HLA-DQB2: variants seen among roughly 807,000 people sequenced by gnomAD.
The protein encoded by HLA-DQB2 is HLA class II histocompatibility antigen, DQ beta 2 chain.
A neutral mutation model predicts 29.2 loss-of-function variants in HLA-DQB2; 24 were observed. That is an observed-to-expected ratio of 0.82 (90% CI 0.60 to 1.16). The LOEUF is 1.16. Among genes scored for constraint, HLA-DQB2 ranks in the 50% most tolerant of loss-of-function variants. The probability of loss-of-function intolerance (pLI) is 0.00; values close to 1 mark genes in which losing one functional copy is unlikely to be tolerated. For synonymous variants in HLA-DQB2, 104 were observed against 133.1 expected (o/e 0.78, Z 1.51); for missense variants, 273 against 343.6 (o/e 0.79, Z 1.62).
chr6:32,757,668 C>CCAGCTCAG, intron 4 of HLA-DQB2, 105 bp downstream of exon 4: 1 of 1,110,212 alleles, frequency 9.0e-7, no homozygotes, highest in Non-Finnish European at 1.3e-6. Context: ...CCTCGCACTT[C>CCAGCTCAG]CTCTCAGGGT....
At chr6:32,759,385 A>G (rs1370846020) in intron 2 of HLA-DQB2, among the ~76,000 whole-genome samples, 1 of 151,688 alleles carries the variant, frequency 6.6e-6, no homozygotes, top group Non-Finnish European at 1.5e-5. Flanking sequence ...TGTTATTTCA[A>G]AAGTTTGTAA....
chr6:32,756,338 T>C lies in HLA-DQB2; in HGVS notation c.*115A>G, dbSNP rs1279404950. The C allele has an allele frequency of 2.7e-6, 2 of 730,236 alleles. No individual in the cohort carries two copies. The highest frequency in any genetic ancestry group is 5.0e-6 in the Non-Finnish European group (2 of 403,368). The allele number at this position is 730,236 out of a possible 1,614,324, so 45.2% of individuals were successfully genotyped here. On this transcript the variant is annotated 3_prime_UTR_variant, in exon 6 of 6. Coordinates refer to ENST00000437316, the MANE Select transcript of HLA-DQB2 (RefSeq NM_001300790.2). The stretch of plus-strand genomic sequence containing the variant: ...GGTGACCTGTGGCTGCATGAGCCAC[T>C]GTAGGACTCTGACCTCAGTGGGACA...
At chr6:32,761,987 C>A in intron 1 of HLA-DQB2, 61 bp from the exon 2 acceptor site, 2 of 1,558,938 alleles carry the variant, frequency 1.3e-6, no homozygotes, top group Non-Finnish European at 8.7e-7. Flanking sequence ...AGCCCCCAGC[C>A]GGACCGCACC....
At chr6:32,756,522 CT>C in intron 5 of HLA-DQB2, 56 bp from the exon 6 acceptor site, 1 of 1,554,172 alleles carries the variant, frequency 6.4e-7, no homozygotes, top group African/African-American at 1.4e-5. Flanking sequence ...GACACACCCT[CT>C]CCCCTAGTCC....
chr6:32,756,782 A>AGG, intron 5 of HLA-DQB2: 1 of 1,243,498 alleles, frequency 8.0e-7, no homozygotes, highest in Non-Finnish European at 1.0e-6. Flanking sequence ...GAAAATGCCT[A>AGG]CAGGCAGTAG....
At chr6:32,758,194 C>T (rs1385955258) in intron 3 of HLA-DQB2, among the ~76,000 whole-genome samples, 1 of 152,046 alleles carries the variant, frequency 6.6e-6, no homozygotes, top group African/African-American at 2.4e-5. Context: ...TGTGGCCCCA[C>T]CCAAATTTCA....
At chr6:32,762,888 G>A (rs1764970194) in intron 1 of HLA-DQB2, among the ~76,000 whole-genome samples, 1 of 152,090 alleles carries the variant, frequency 6.6e-6, no homozygotes, top group Non-Finnish European at 1.5e-5. Flanking sequence ...AAGACTCCCT[G>A]TCTGTGGTCA....
At chr6:32,761,579 C>T in intron 2 of HLA-DQB2, 81 bp downstream of exon 2, 1 of 1,430,924 alleles carries the variant, frequency 7.0e-7, no homozygotes, top group Non-Finnish European at 9.3e-7. Context: ...TCCTTGAGGC[C>T]GCGCCGTCCT....
rs750074923 is a variant in HLA-DQB2, at chr6:32,758,860, G to A, written c.636C>T (p.Thr212=). The change falls in exon 3 of 6, where the codon ACC becomes ACT. Residue 212 remains threonine, a synonymous_variant. Coordinates refer to ENST00000437316, the MANE Select transcript of HLA-DQB2 (RefSeq NM_001300790.2). ...VEHPSLQSPI[T]VEWRAQSESA... is the part of the protein sequence containing the mutation. ...CCAGTTTCCCCTTACGCCACTCCAC[G>A]GTGATGGGGCTCTGGAGGCTGGGGT... The A allele has an allele frequency of 5.0e-6, 8 of 1,613,264 alleles. No individual in the cohort carries two copies. Among genetic ancestry groups the A allele is most frequent in the South Asian group, 1.1e-5 (1 of 91,080 alleles).
Position 32,761,696 on chromosome 6 carries a change from A to G in HLA-DQB2, c.328T>C (p.Tyr110His). 2 of 1,552,266 alleles carry G rather than the reference A, an allele frequency of 1.3e-6. No homozygotes were observed. Among genetic ancestry groups the G allele is most frequent in the Non-Finnish European group, 1.7e-6 (2 of 1,147,896 alleles). ...AAVDKVCRHNYEAELRTTLQR... is the reference protein window; with the variant it reads ...AAVDKVCRHNHEAELRTTLQR... ...AAGGTCGTGCGCAGCTCCGCCTCGTAGTTGTGTCTGCACACCTTGTCCACC... is the reference window on the plus strand; with the variant it reads ...AAGGTCGTGCGCAGCTCCGCCTCGTGGTTGTGTCTGCACACCTTGTCCACC... Residue 110 changes from tyrosine to histidine, a missense_variant, in exon 2 of 6, where the codon TAC (tyrosine) becomes CAC (histidine). Physicochemically the swap from Tyr to His is moderately conservative, Grantham distance 83 (BLOSUM62 2). Transcript: ENST00000437316.
chr6:32,757,980 T>G (rs1764433618), intron 3 of HLA-DQB2, 97 bp from the exon 4 acceptor site: 3 of 1,096,036 alleles, frequency 2.7e-6, no homozygotes, highest in Non-Finnish European at 3.9e-6. Flanking sequence ...TTCTCCAGTC[T>G]GACCACCCTA....
intron 2 of HLA-DQB2, 111 bp downstream of exon 2, chr6:32,761,549 T>G: frequency 1.6e-6 from 2 of 1,236,508 alleles, no homozygotes; most frequent in African/African-American, 1.5e-5. Flanking sequence ...TCCTGTACCC[T>G]GGGATGGATC....
chr6:32,759,897 G>A (rs1764629314), intron 2 of HLA-DQB2, among the ~76,000 whole-genome samples: 1 of 152,148 alleles, frequency 6.6e-6, no homozygotes, highest in Non-Finnish European at 1.5e-5. Flanking sequence ...CAATTAAATG[G>A]CACTCATGAG....
At chr6:32,761,988 G>A (rs910581597) in intron 1 of HLA-DQB2, 62 bp from the exon 2 acceptor site, 10 of 1,553,740 alleles carry the variant, frequency 6.4e-6, no homozygotes, top group African/African-American at 5.5e-5. Flanking sequence ...GCCCCCAGCC[G>A]GACCGCACCC....
At chr6:32,758,094 C>T (rs114748927) in intron 3 of HLA-DQB2, among the ~76,000 whole-genome samples, 1,894 of 152,204 alleles carry the variant, frequency 0.012, 39 homozygotes, top group African/African-American at 0.043. Flanking sequence ...AACCTTAAAC[C>T]CTAAGGCCCC....
At chr6:32,759,226 T>C (rs894876882) in intron 2 of HLA-DQB2, 95 bp from the exon 3 acceptor site, 24 of 1,451,164 alleles carry the variant, frequency 1.7e-5, no homozygotes, top group Non-Finnish European at 2.1e-5. Context: ...GGAACCAGAA[T>C]AGAAAGATAC....
intron 5 of HLA-DQB2, chr6:32,756,757 C>A: frequency 7.8e-7 from 1 of 1,279,714 alleles, no homozygotes; most frequent in Non-Finnish European, 9.8e-7. Context: ...CCACTAGCAG[C>A]CTCTTTTAGT....
chr6:32,758,976 G>A lies in HLA-DQB2; in HGVS notation c.520C>T (p.Leu174Phe), dbSNP rs114145988. 0.018 allele frequency: 29,450 copies of A among 1,614,210 alleles called. 487 individuals carry two copies. The highest frequency in any genetic ancestry group is 0.067 in the South Asian group (6,083 of 91,078). The stretch of plus-strand genomic sequence containing the variant: ...AAGGTCCAGTCACCATTCCTAATGA[G>A]GGAGGTGGACACAACACCGGCTGTC... ...EETAGVVSTS[L>F]IRNGDWTFQI... The change falls in exon 3 of 6, where the codon CTC becomes TTC. Residue 174 changes from leucine (L) to phenylalanine (F), a missense_variant. By Grantham distance (22) the Leu-to-Phe change is conservative (BLOSUM62 0). Coordinates refer to ENST00000437316, the MANE Select transcript of HLA-DQB2 (RefSeq NM_001300790.2).
chr6:32,756,828 C>T lies in HLA-DQB2; in HGVS notation c.782-362G>A, dbSNP rs986482482. 35 of 1,200,848 alleles carry T rather than the reference C, an allele frequency of 2.9e-5. 2 individuals are homozygous for T. In the Admixed American group the frequency reaches 8.9e-4, roughly 31 times the overall value. The allele number at this position is 1,200,848 out of a possible 1,614,324, so 74.4% of individuals were successfully genotyped here. On this transcript the variant is annotated intron_variant, in intron 5 of 5. Transcript: ENST00000437316. ...GTGGCACAAAGTGGGCATCACCCTACTATCTCACATTCAAGATGTGGCTCT... is the reference window on the plus strand; with the variant it reads ...GTGGCACAAAGTGGGCATCACCCTATTATCTCACATTCAAGATGTGGCTCT...
Sources: allele counts gnomAD v4.1 joint callset (sites outside exome capture counted in the v4.1 genomes callset), GRCh38; gene constraint gnomAD v4.1.1; transcripts MANE v1.5; gene names NCBI Gene and HGNC (gene_info 2026-07-23, HGNC 2026-07-21).